Variants in COX19 observed in about 807,000 individuals in gnomAD.
COX19 encodes cytochrome c oxidase assembly protein COX19.
COX19 carries 8 observed loss-of-function variants against 6.8 expected under a neutral mutation model. The observed-to-expected ratio is 1.18, with a 90% CI of 0.69 to 2.12. The LOEUF (loss-of-function observed/expected upper bound fraction) is 2.12. Among genes scored for constraint, COX19 ranks in the 30% most tolerant of loss-of-function variants. The pLI, the probability that COX19 is intolerant of heterozygous loss-of-function variation, is 0.00. For synonymous variants in COX19, 51 were observed against 38.0 expected (o/e 1.34, Z -1.26); for missense variants, 131 against 104.6 (o/e 1.25, Z -1.10).
At chr7:971,165 C>G (rs71538127) in intron 2 of COX19, among the ~76,000 whole-genome samples, 13,456 of 152,230 alleles carry the variant, frequency 0.088, 725 homozygotes, top group South Asian at 0.14. Flanking sequence ...TGTGTGACAC[C>G]CGGTGCCTAA....
intron 1 of COX19, among the ~76,000 whole-genome samples, chr7:974,249 C>CT (rs1389997134): frequency 1.0e-5 from 1 of 100,254 alleles, no homozygotes; most frequent in Non-Finnish European, 1.9e-5. Context: ...AACCCCATCT[C>CT]TAAAAAAAAA....
rs1482903706 is a variant in COX19, at chr7:967,678, T to C, written c.*1700A>G. 6.6e-6 allele frequency: 1 copy of C among 152,308 alleles called. No individual in the cohort carries two copies. The highest frequency in any genetic ancestry group is 1.5e-5 in the Non-Finnish European group (1 of 68,082). The allele number at this position is 152,308 out of a possible 1,614,324, so 9.4% of individuals were successfully genotyped here. A position where few individuals can be genotyped will look rare whatever the true frequency, so the allele number is the denominator to read the frequency against. On this transcript the variant is annotated 3_prime_UTR_variant, in exon 3 of 3. Coordinates refer to ENST00000344111, the MANE Select transcript of COX19 (RefSeq NM_001031617.3). ...TCCTGGTTCATTTACTTTTTGAGCA[T>C]GTGAAACCCTCTGCCATGACAGCCA...
intron 2 of COX19, among the ~76,000 whole-genome samples, chr7:971,515 A>G (rs934807298): frequency 1.3e-5 from 2 of 152,192 alleles, no homozygotes; most frequent in Non-Finnish European, 2.9e-5. Flanking sequence ...TTCTACGGTC[A>G]AAATAACTGA....
chr7:975,095 G>C (rs1583204890), intron 1 of COX19: 1 of 297,952 alleles, frequency 3.4e-6, no homozygotes, highest in Non-Finnish European at 6.3e-6. Flanking sequence ...GGCTGCAGCT[G>C]CGGGCTTCGT....
At chr7:973,574 G>C (rs546390976) in intron 1 of COX19, among the ~76,000 whole-genome samples, 1 of 152,216 alleles carries the variant, frequency 6.6e-6, no homozygotes. Flanking sequence ...AGGAGGCTGA[G>C]GCAGGAAGAT....
At chr7:973,338 G>A in intron 1 of COX19, 46 bp from the exon 2 acceptor site, 2 of 1,524,854 alleles carry the variant, frequency 1.3e-6, no homozygotes, top group Non-Finnish European at 8.8e-7. Flanking sequence ...AGTGAAAAGT[G>A]ATGCAACCAC....
At position 965,141 on chromosome 7, in the gene COX19, C is replaced by T. The variant is rs1386280154; in HGVS notation, c.*4237G>A. On this transcript the variant is annotated 3_prime_UTR_variant, in exon 3 of 3. Transcript: ENST00000344111. ...TTCTCTGCCTGTGACCTGCTGAAAC[C>T]ATTCATGCCGGCATCATGCCTATTG... Among the ~76,000 whole-genome samples the T allele has an allele frequency of 6.6e-6, 1 of 152,164 alleles. No homozygotes were observed. The highest frequency in any genetic ancestry group is 1.5e-5 in the Non-Finnish European group (1 of 68,036).
intron 2 of COX19, among the ~76,000 whole-genome samples, chr7:970,697 A>T (rs1847622682): frequency 6.6e-6 from 1 of 152,006 alleles, no homozygotes; most frequent in African/African-American, 2.4e-5. Context: ...AGCCTCCCAA[A>T]GTGTTGGAAT....
Position 969,331 on chromosome 7 carries a change from G to A in COX19, c.*47C>T, listed in dbSNP as rs963953162. 7.5e-6 allele frequency: 9 copies of A among 1,204,580 alleles called. No individual in the cohort carries two copies. Among genetic ancestry groups the A allele is most frequent in the East Asian group, 2.3e-5 (1 of 43,158 alleles). The allele number at this position is 1,204,580 out of a possible 1,614,324, so 74.6% of individuals were successfully genotyped here. A position where few individuals can be genotyped will look rare whatever the true frequency, so the allele number is the denominator to read the frequency against. On this transcript the variant is annotated 3_prime_UTR_variant, in exon 3 of 3. Coordinates refer to ENST00000344111, the MANE Select transcript of COX19 (RefSeq NM_001031617.3). The stretch of plus-strand genomic sequence containing the variant: ...CCTAAGAGGCAGGATGATGCCCTCC[G>A]TCCTGAGAGACCACTGAACACGGCC...
intron 1 of COX19, 92 bp downstream of exon 1, chr7:975,336 C>G: frequency 2.0e-6 from 2 of 1,007,352 alleles, no homozygotes; most frequent in Non-Finnish European, 2.9e-6. Context: ...GCCTGCACCG[C>G]GCTAGATGCC....
chr7:974,550 TG>T (rs1395515164), intron 1 of COX19, among the ~76,000 whole-genome samples: 1 of 152,214 alleles, frequency 6.6e-6, no homozygotes, highest in Non-Finnish European at 1.5e-5. Context: ...ATGTAGGTGA[TG>T]GTCACAGGAG....
chr7:975,305 C>T, intron 1 of COX19, 123 bp downstream of exon 1: 1 of 711,606 alleles, frequency 1.4e-6, no homozygotes, highest in Non-Finnish European at 2.2e-6. Context: ...GAGGGGCGGG[C>T]CGCCGTGCCT....
chr7:974,250 TAA>T (rs748066628), intron 1 of COX19, among the ~76,000 whole-genome samples: 28 of 84,226 alleles, frequency 3.3e-4, no homozygotes, highest in Admixed American at 3.8e-4. Context: ...ACCCCATCTC[TAA>T]AAAAAAAAAA....
chr7:973,246 G>A lies in COX19; in HGVS notation c.129C>T (p.Asn43=), dbSNP rs1373476472. The A allele has an allele frequency of 1.9e-6, 3 of 1,601,070 alleles. No homozygotes were observed. The Admixed American group carries it at 5.2e-5, about 28-fold the overall frequency. The part of the protein sequence containing the change: ...FKEKFMKCLH[N]NNFENALCRK... ...TGCACAAAGCATTTTCAAAATTATT[G>A]TTATGAAGACACTTCATGAATTTCT... The change falls in exon 2 of 3, where the codon AAC becomes AAT. Residue 43 remains asparagine, a synonymous_variant. Coordinates refer to ENST00000344111, the MANE Select transcript of COX19 (RefSeq NM_001031617.3).
intron 2 of COX19, among the ~76,000 whole-genome samples, chr7:972,455 T>C (rs1176730911): frequency 2.6e-5 from 4 of 152,206 alleles, no homozygotes; most frequent in Non-Finnish European, 5.9e-5. Flanking sequence ...TCAAAGTGGA[T>C]GGGCGAATTG....
At position 965,445 on chromosome 7, in the gene COX19, G is replaced by A. The variant is rs544047100; in HGVS notation, c.*3933C>T. Among the ~76,000 whole-genome samples, 1 of 152,224 alleles carries A rather than the reference G, an allele frequency of 6.6e-6. No homozygotes were observed. Among genetic ancestry groups the A allele is most frequent in the Non-Finnish European group, 1.5e-5 (1 of 68,052 alleles). On this transcript the variant is annotated 3_prime_UTR_variant, in exon 3 of 3. Transcript: ENST00000344111. The stretch of plus-strand genomic sequence containing the variant: ...CATGCAGTTGGGCAAGAGAACCAGA[G>A]GTGATACCGTGCCCTCAGGGACGCC...
At chr7:975,320 T>C in intron 1 of COX19, 108 bp downstream of exon 1, 1 of 859,286 alleles carries the variant, frequency 1.2e-6, no homozygotes, top group Non-Finnish European at 1.7e-6. Flanking sequence ...GTGCCTCAGT[T>C]TCCCCGCCTG....
intron 2 of COX19, 104 bp downstream of exon 2, chr7:973,077 G>A (rs1847656937): frequency 3.2e-6 from 2 of 629,500 alleles, no homozygotes; most frequent in Non-Finnish European, 4.9e-6. Context: ...AACACAAGCT[G>A]AATCCCAGGC....
chr7:969,188 A>T lies in COX19; in HGVS notation c.*190T>A. On this transcript the variant is annotated 3_prime_UTR_variant, in exon 3 of 3. Coordinates refer to ENST00000344111, the MANE Select transcript of COX19 (RefSeq NM_001031617.3). ...GCCGTCCCACTCAGGGGTTCAATGC[A>T]GAAACACCCTCCTAAGGGAAAACGG... 1.7e-6 allele frequency: 1 copy of T among 599,694 alleles called. No homozygotes were observed. The highest frequency in any genetic ancestry group is 3.0e-6 in the Non-Finnish European group (1 of 336,776). 37.1% of individuals were successfully genotyped at this position (599,694 alleles called of 1,614,324 possible). A position where few individuals can be genotyped will look rare whatever the true frequency, so the allele number is the denominator to read the frequency against.
Sources: allele counts gnomAD v4.1 joint callset (sites outside exome capture counted in the v4.1 genomes callset), GRCh38; gene constraint gnomAD v4.1.1; transcripts MANE v1.5; gene names NCBI Gene and HGNC (gene_info 2026-07-23, HGNC 2026-07-21).